The following RIT2 variants were observed in gnomAD, a reference collection of about 807,000 sequenced individuals.
RIT2 encodes Ras like without CAAX 2.
In RIT2, 24 loss-of-function variants were observed where a neutral mutation model predicts 23.7. The observed-to-expected ratio is 1.01, with a 90% CI of 0.73 to 1.43. RIT2 has a LOEUF of 1.43. RIT2 is among the 40% of genes most tolerant of loss of function. The pLI is 0.00. For missense variants in RIT2, 236 were observed against 266.9 expected (o/e 0.88, Z 0.81); for synonymous variants, 107 against 91.1 (o/e 1.17, Z -0.99).
chr18:43,019,459 A>G (rs1031294005), intron 2 of RIT2, among the ~76,000 whole-genome samples: 2 of 152,062 alleles, frequency 1.3e-5, no homozygotes, highest in Non-Finnish European at 2.9e-5. Flanking sequence ...CAATAGATGC[A>G]GAAAAAGCAT....
intron 4 of RIT2, among the ~76,000 whole-genome samples, chr18:42,799,868 T>C (rs2143960204): frequency 6.6e-6 from 1 of 152,356 alleles, no homozygotes; most frequent in South Asian, 2.1e-4. Flanking sequence ...AGCAGCCTTC[T>C]CAGAACCTCC....
At chr18:42,860,851 A>G (rs1019735575) in intron 4 of RIT2, among the ~76,000 whole-genome samples, 2 of 152,192 alleles carry the variant, frequency 1.3e-5, no homozygotes, top group Admixed American at 6.5e-5. Context: ...CAGGATGGCA[A>G]GCACCTGCGC....
chr18:42,905,889 T>C (rs1908600727), intron 4 of RIT2, among the ~76,000 whole-genome samples: 1 of 148,672 alleles, frequency 6.7e-6, no homozygotes. Flanking sequence ...TTAGCAGAAC[T>C]AGGGATAAAG....
At chr18:43,075,501 T>C in intron 1 of RIT2, among the ~76,000 whole-genome samples, 1 of 152,196 alleles carries the variant, frequency 6.6e-6, no homozygotes, top group African/African-American at 2.4e-5. Flanking sequence ...CAACCAGTAC[T>C]AAGCATACTC....
At chr18:42,861,258 G>T (rs942573972) in intron 4 of RIT2, among the ~76,000 whole-genome samples, 1 of 152,142 alleles carries the variant, frequency 6.6e-6, no homozygotes, top group African/African-American at 2.4e-5. Context: ...TGAGTAATGA[G>T]GAAAGAGTTT....
rs114067296 is a variant in RIT2, at chr18:43,050,381, T to G, written c.104-16514A>C. On this transcript the variant is annotated intron_variant, in intron 1 of 4. Transcript: ENST00000326695. The stretch of plus-strand genomic sequence containing the variant: ...ACCAGCAAAAATGAAGGAACAGATA[T>G]AAATAGACATTTCTGGGAGCAGGAA... Among the ~76,000 whole-genome samples the G allele has an allele frequency of 3.7e-3, 565 of 152,180 alleles. 3 individuals carry two copies. The highest frequency in any genetic ancestry group is 0.012 in the African/African-American group (480 of 41,534).
intron 4 of RIT2, among the ~76,000 whole-genome samples, chr18:42,907,084 A>G (rs1331823068): frequency 6.6e-6 from 1 of 152,146 alleles, no homozygotes; most frequent in Admixed American, 6.6e-5. Context: ...TTATGTCTGT[A>G]TCTACTGTTT....
chr18:42,787,448 T>A (rs1913948884), intron 4 of RIT2, among the ~76,000 whole-genome samples: 1 of 151,210 alleles, frequency 6.6e-6, no homozygotes, highest in African/African-American at 2.4e-5. Context: ...AAAAAAAGAA[T>A]ATAATAAACA....
chr18:42,759,204 T>C (rs1913238563), intron 4 of RIT2, among the ~76,000 whole-genome samples: 1 of 152,176 alleles, frequency 6.6e-6, no homozygotes, highest in African/African-American at 2.4e-5. Flanking sequence ...AATCATTATG[T>C]CTCTTCCACA....
chr18:42,749,244 T>TA (rs1912989134), intron 4 of RIT2, among the ~76,000 whole-genome samples: 1 of 151,940 alleles, frequency 6.6e-6, no homozygotes, highest in African/African-American at 2.4e-5. Flanking sequence ...GAAGAAATTA[T>TA]AAAAACATTT....
chr18:43,008,831 C>T (rs376798987), intron 2 of RIT2, among the ~76,000 whole-genome samples: 1 of 151,500 alleles, frequency 6.6e-6, no homozygotes, highest in Non-Finnish European at 1.5e-5. Flanking sequence ...GAAGTAGTAT[C>T]AATGTAATGT....
At chr18:42,829,535 C>T (rs538807750) in intron 4 of RIT2, among the ~76,000 whole-genome samples, 204 of 152,200 alleles carry the variant, frequency 1.3e-3, no homozygotes, top group African/African-American at 4.8e-3. Context: ...CCAGGTGTGA[C>T]TTCCAGTACT....
chr18:43,101,063 A>G (rs138191158), intron 1 of RIT2, among the ~76,000 whole-genome samples: 1 of 152,072 alleles, frequency 6.6e-6, no homozygotes, highest in East Asian at 1.9e-4. Context: ...GTGTATATAT[A>G]TATATCTATA....
At chr18:42,837,693 C>T (rs73470094) in intron 4 of RIT2, among the ~76,000 whole-genome samples, 3,084 of 152,088 alleles carry the variant, frequency 0.02, 93 homozygotes, top group African/African-American at 0.068. Context: ...AGAAAGTATT[C>T]GGATTTGGGG....
At chr18:42,993,301 C>G (rs147556463) in intron 2 of RIT2, among the ~76,000 whole-genome samples, 4,219 of 152,270 alleles carry the variant, frequency 0.028, 183 homozygotes, top group African/African-American at 0.092. Context: ...CTGGCCCAAG[C>G]CTCTCTGATT....
intron 3 of RIT2, among the ~76,000 whole-genome samples, chr18:42,941,467 C>T (rs574692018): frequency 6.6e-6 from 1 of 152,084 alleles, no homozygotes; most frequent in South Asian, 2.1e-4. Flanking sequence ...TGTTTGCCGC[C>T]CATAGATACA....
At chr18:42,917,483 G>A (rs142145029) in intron 4 of RIT2, among the ~76,000 whole-genome samples, 7 of 152,112 alleles carry the variant, frequency 4.6e-5, no homozygotes, top group African/African-American at 1.2e-4. Context: ...TATGGAATTC[G>A]TGAACAGTCA....
intron 4 of RIT2, among the ~76,000 whole-genome samples, chr18:42,829,371 T>C (rs542623715): frequency 6.6e-6 from 1 of 152,220 alleles, no homozygotes; most frequent in Non-Finnish European, 1.5e-5. Context: ...ATCTGGATAG[T>C]ATGACACACC....
intron 4 of RIT2, among the ~76,000 whole-genome samples, chr18:42,895,830 T>C (rs1444443726): frequency 6.6e-6 from 1 of 152,088 alleles, no homozygotes; most frequent in African/African-American, 2.4e-5. Flanking sequence ...TGCACAGCAA[T>C]ATGGGCTTAG....
Sources: gnomAD v4.1 joint callset for allele counts (sites outside exome capture counted in the v4.1 genomes callset) on GRCh38, gnomAD v4.1.1 for gene constraint, MANE v1.5 for transcripts, NCBI Gene and HGNC (gene_info 2026-07-23, HGNC 2026-07-21) for gene names.